Variants in ZNF385B observed in about 807,000 individuals in gnomAD.
ZNF385B encodes zinc finger protein 385B.
A neutral mutation model predicts 39.2 loss-of-function variants in ZNF385B; 23 were observed. The observed-to-expected ratio is 0.59, with a 90% CI of 0.42 to 0.83. The LOEUF is 0.83. ZNF385B is among the 40% of genes least tolerant of loss of function. ZNF385B has a pLI of 0.00. For missense variants in ZNF385B, 552 were observed against 598.9 expected, an observed-to-expected ratio of 0.92 and a Z score of 0.82; for synonymous variants, 205 against 222.6, an observed-to-expected ratio of 0.92 and a Z score of 0.70.
chr2:179,466,683 G>A (rs1229911159), intron 6 of ZNF385B, among the ~76,000 whole-genome samples: 1 of 151,938 alleles, frequency 6.6e-6, no homozygotes, highest in Admixed American at 6.6e-5. Flanking sequence ...CACTATGGGA[G>A]GCCAAGGTGG....
chr2:179,732,681 T>C (rs941262200), intron 3 of ZNF385B, among the ~76,000 whole-genome samples: 2 of 152,116 alleles, frequency 1.3e-5, no homozygotes, highest in Non-Finnish European at 2.9e-5. Flanking sequence ...ATTAAACTCC[T>C]AGAAGCAAGA....
chr2:179,692,155 CT>C (rs1476773821), intron 3 of ZNF385B, among the ~76,000 whole-genome samples: 2 of 152,120 alleles, frequency 1.3e-5, no homozygotes, highest in Non-Finnish European at 2.9e-5. Context: ...CTTCTTACCC[CT>C]CTACCCCTGG....
At chr2:179,739,136 G>C (rs1701938965) in intron 3 of ZNF385B, among the ~76,000 whole-genome samples, 1 of 152,118 alleles carries the variant, frequency 6.6e-6, no homozygotes, top group Non-Finnish European at 1.5e-5. Flanking sequence ...CTTACCTATA[G>C]GATTGTTGTA....
chr2:179,456,920 G>A (rs773600498), intron 6 of ZNF385B, among the ~76,000 whole-genome samples: 25 of 151,664 alleles, frequency 1.6e-4, no homozygotes, highest in Admixed American at 9.2e-4. Flanking sequence ...TTTTAATTGC[G>A]ATATAGCATG....
At chr2:179,505,745 TG>T (rs2057193617) in intron 5 of ZNF385B, among the ~76,000 whole-genome samples, 1 of 152,080 alleles carries the variant, frequency 6.6e-6, no homozygotes, top group African/African-American at 2.4e-5. Flanking sequence ...GAATAACAAA[TG>T]TCACTGGTAT....
At chr2:179,589,573 T>TA (rs1687382111) in intron 3 of ZNF385B, among the ~76,000 whole-genome samples, 1 of 152,208 alleles carries the variant, frequency 6.6e-6, no homozygotes, top group African/African-American at 2.4e-5. Flanking sequence ...AGCTCTCTCT[T>TA]ACACCAGTAA....
chr2:179,716,394 A>G (rs150641882), intron 3 of ZNF385B, among the ~76,000 whole-genome samples: 79 of 152,126 alleles, frequency 5.2e-4, no homozygotes, highest in African/African-American at 1.8e-3. Flanking sequence ...CCTATTTTCC[A>G]TTTTCTGTTG....
intron 4 of ZNF385B, among the ~76,000 whole-genome samples, chr2:179,528,972 A>G (rs917638549): frequency 6.6e-6 from 1 of 152,238 alleles, no homozygotes; most frequent in East Asian, 1.9e-4. Context: ...GTTCAGTTTA[A>G]CAAATAAGAC....
At position 179,861,339 on chromosome 2, in the gene ZNF385B, C is replaced by G. The variant is rs1292300895; in HGVS notation, c.-393G>C. ...CTGAACTGTCCAACTCTTGCCCGCG[C>G]CGGGCTTAAGCGCCCGGCCGCTGCC... On this transcript the variant is annotated 5_prime_UTR_variant, in exon 1 of 10. Coordinates refer to ENST00000410066, the MANE Select transcript of ZNF385B (RefSeq NM_152520.6). 1 of 151,030 alleles carries G rather than the reference C, an allele frequency of 6.6e-6. No homozygotes were observed. Among genetic ancestry groups the G allele is most frequent in the Non-Finnish European group, 1.5e-5 (1 of 67,630 alleles). The allele number at this position is 151,030 out of a possible 1,614,324, so 9.4% of individuals were successfully genotyped here.
chr2:179,469,740 C>T (rs1025594277), intron 6 of ZNF385B, among the ~76,000 whole-genome samples: 4 of 152,036 alleles, frequency 2.6e-5, no homozygotes, highest in African/African-American at 9.7e-5. Context: ...GGTTTGAGGC[C>T]CAACTTAGGA....
intron 3 of ZNF385B, among the ~76,000 whole-genome samples, chr2:179,686,713 T>C (rs942760557): frequency 2.6e-5 from 4 of 152,186 alleles, no homozygotes; most frequent in Non-Finnish European, 2.9e-5. Flanking sequence ...AAAACCTGAA[T>C]GCTCCATGAA....
intron 3 of ZNF385B, among the ~76,000 whole-genome samples, chr2:179,644,027 C>G (rs1692496822): frequency 6.6e-6 from 1 of 151,978 alleles, no homozygotes; most frequent in South Asian, 2.1e-4. Flanking sequence ...ACAAACAAAA[C>G]ACCCCCCACC....
chr2:179,535,987 A>AT (rs2059541406), intron 4 of ZNF385B, among the ~76,000 whole-genome samples: 1 of 152,232 alleles, frequency 6.6e-6, no homozygotes, highest in South Asian at 2.1e-4. Context: ...CAAGCTTTTG[A>AT]TAAAAGTTTT....
intron 5 of ZNF385B, among the ~76,000 whole-genome samples, chr2:179,493,513 ATACATATGTGTG>A (rs1310156949): frequency 6.6e-6 from 1 of 151,350 alleles, no homozygotes; most frequent in Non-Finnish European, 1.5e-5. Flanking sequence ...ATATATGCGT[ATACATATGTGTG>A]TACATATATG....
At chr2:179,679,613 GTT>G (rs1697326120) in intron 3 of ZNF385B, among the ~76,000 whole-genome samples, 1 of 151,170 alleles carries the variant, frequency 6.6e-6, no homozygotes, top group Non-Finnish European at 1.5e-5. Context: ...TGTTGTTGTT[GTT>G]GTTGTTGTTG....
chr2:179,697,736 G>T (rs910770955), intron 3 of ZNF385B, among the ~76,000 whole-genome samples: 1 of 152,104 alleles, frequency 6.6e-6, no homozygotes, highest in African/African-American at 2.4e-5. Flanking sequence ...AAATGGAAAC[G>T]AAATTTGTAA....
intron 3 of ZNF385B, among the ~76,000 whole-genome samples, chr2:179,732,269 T>C (rs1414054743): frequency 6.6e-6 from 1 of 152,222 alleles, no homozygotes; most frequent in African/African-American, 2.4e-5. Context: ...GAGACTAATA[T>C]CATGGCTTTT....
At chr2:179,555,768 C>T (rs2060865547) in intron 3 of ZNF385B, among the ~76,000 whole-genome samples, 1 of 148,564 alleles carries the variant, frequency 6.7e-6, no homozygotes, top group Non-Finnish European at 1.5e-5. Context: ...TCTAGTGATG[C>T]CAAAGAGAAA....
chr2:179,649,017 A>G (rs534811682), intron 3 of ZNF385B, among the ~76,000 whole-genome samples: 226 of 152,344 alleles, frequency 1.5e-3, no homozygotes, highest in African/African-American at 5.2e-3. Flanking sequence ...ACCAAAGTGA[A>G]CATTATCAGT....
Sources: gnomAD v4.1 joint callset for allele counts (sites outside exome capture counted in the v4.1 genomes callset) on GRCh38, gnomAD v4.1.1 for gene constraint, MANE v1.5 for transcripts, NCBI Gene and HGNC (gene_info 2026-07-23, HGNC 2026-07-21) for gene names.